ANTXR2: variants seen among roughly 807,000 people sequenced by gnomAD.
ANTXR2 encodes ANTXR cell adhesion molecule 2, also known as anthrax toxin receptor 2.
A neutral mutation model predicts 73.7 loss-of-function variants in ANTXR2; 44 were observed. The observed-to-expected ratio is 0.60, with a 90% CI of 0.47 to 0.77. ANTXR2 has a LOEUF of 0.77. Among genes scored for constraint, ANTXR2 ranks in the 30% least tolerant of loss-of-function variants. The pLI is 0.00. For missense variants in ANTXR2, 604 were observed against 592.5 expected, an observed-to-expected ratio of 1.02 and a Z score of -0.20; for synonymous variants, 217 against 205.9, an observed-to-expected ratio of 1.05 and a Z score of -0.46.
rs556347715 is a variant in ANTXR2, at chr4:79,927,442, A to G, written c.1429-19975T>C. Among the ~76,000 whole-genome samples, 75 of 152,284 alleles carry G rather than the reference A, an allele frequency of 4.9e-4. No individual in the cohort carries two copies. In the Middle Eastern group the frequency reaches 0.014, roughly 28 times the overall value. ...ATTGGTTCCAAGACCCACCTGGCAG[A>G]TATCAAAATCTGCAGATGCTCAAGT... On this transcript the variant is annotated intron_variant, in intron 16 of 16. Transcript: ENST00000403729.
chr4:79,914,470 T>G (rs2109933530), intron 16 of ANTXR2, among the ~76,000 whole-genome samples: 1 of 152,294 alleles, frequency 6.6e-6, no homozygotes, highest in Admixed American at 6.5e-5. Flanking sequence ...TAAAGGTTTC[T>G]TTCTTGATTC....
chr4:79,965,844 T>A (rs1447552918), intron 16 of ANTXR2, among the ~76,000 whole-genome samples: 1 of 152,180 alleles, frequency 6.6e-6, no homozygotes, highest in Non-Finnish European at 1.5e-5. Flanking sequence ...ATTCCTAATA[T>A]CAGATAATTT....
chr4:79,995,246 C>A (rs1730671584), intron 12 of ANTXR2, among the ~76,000 whole-genome samples: 1 of 151,790 alleles, frequency 6.6e-6, no homozygotes, highest in Admixed American at 6.6e-5. Context: ...TGTCATCATG[C>A]CTAATAAAGT....
chr4:79,984,828 T>C lies in ANTXR2; in HGVS notation c.1077A>G (p.Ala359=), dbSNP rs1730044545. 5 of 1,608,720 alleles carry C rather than the reference T, an allele frequency of 3.1e-6. No individual in the cohort carries two copies. Among genetic ancestry groups the C allele is most frequent in the Non-Finnish European group, 4.2e-6 (5 of 1,177,152 alleles). The part of the protein sequence containing the change: ...IKDPPPPPAP[A]PKEEEEEPLP... Reference sequence around the variant, plus strand: ...TTAGGCACTCACTTACCTCTTTTGGTGCAGGGGCGGGTGGTGGTGGAGGAT... The same window carrying C: ...TTAGGCACTCACTTACCTCTTTTGGCGCAGGGGCGGGTGGTGGTGGAGGAT... The change falls in exon 13 of 17, where the codon GCA becomes GCG. Residue 359 remains alanine, a synonymous_variant. Transcript: ENST00000403729.
intron 10 of ANTXR2, among the ~76,000 whole-genome samples, chr4:80,027,942 C>T (rs1360547851): frequency 6.6e-6 from 1 of 152,086 alleles, no homozygotes; most frequent in African/African-American, 2.4e-5. Context: ...GCATCCTATT[C>T]AAACTTAAAG....
At chr4:79,966,854 G>T (rs1328036697) in intron 16 of ANTXR2, among the ~76,000 whole-genome samples, 2 of 152,110 alleles carry the variant, frequency 1.3e-5, no homozygotes, top group Non-Finnish European at 2.9e-5. Flanking sequence ...GGCACAAGTT[G>T]CCTTTGTCAA....
At chr4:79,984,958 G>C (rs1730062134) in intron 12 of ANTXR2, 95 bp from the exon 13 acceptor site, 1 of 1,021,046 alleles carries the variant, frequency 9.8e-7, no homozygotes, top group Admixed American at 2.6e-5. Flanking sequence ...TACTGTGGTA[G>C]CTCCAAAGAA....
intron 12 of ANTXR2, among the ~76,000 whole-genome samples, chr4:80,004,720 T>A (rs544849639): frequency 2.6e-5 from 4 of 152,272 alleles, no homozygotes; most frequent in Non-Finnish European, 5.9e-5. Context: ...ATCACATCTG[T>A]AAAGTCCCTT....
At chr4:80,033,619 A>G in intron 8 of ANTXR2, 49 bp from the exon 9 acceptor site, 1 of 1,371,372 alleles carries the variant, frequency 7.3e-7, no homozygotes, top group Non-Finnish European at 1.0e-6. Context: ...TTACCAAAAA[A>G]ATAAAAAACA....
chr4:80,055,699 A>C (rs1463306827), intron 4 of ANTXR2, among the ~76,000 whole-genome samples: 1 of 151,962 alleles, frequency 6.6e-6, no homozygotes, highest in Non-Finnish European at 1.5e-5. Flanking sequence ...CTTAATCTTA[A>C]TATAACCACA....
intron 11 of ANTXR2, among the ~76,000 whole-genome samples, chr4:80,010,971 C>G (rs1456724577): frequency 6.6e-6 from 1 of 151,784 alleles, no homozygotes; most frequent in African/African-American, 2.4e-5. Context: ...CATGGTGAAA[C>G]CCCATCTCTA....
chr4:80,047,485 T>C (rs4566597), intron 7 of ANTXR2, among the ~76,000 whole-genome samples: 20,167 of 151,660 alleles, frequency 0.13, 2,661 homozygotes, highest in East Asian at 0.69. Flanking sequence ...CTATGAATAG[T>C]GCTCCTTTCT....
chr4:80,055,522 C>G, intron 4 of ANTXR2, 55 bp from the exon 5 acceptor site: 1 of 1,395,152 alleles, frequency 7.2e-7, no homozygotes, highest in Non-Finnish European at 1.0e-6. Flanking sequence ...TTTTAACCAG[C>G]ATGTTCCATC....
At chr4:80,052,318 T>C (rs1047795063) in intron 7 of ANTXR2, among the ~76,000 whole-genome samples, 2 of 151,664 alleles carry the variant, frequency 1.3e-5, no homozygotes. Flanking sequence ...AAAGTCCAAT[T>C]CAAATTTAAG....
At chr4:80,002,433 G>A (rs1207971450) in intron 12 of ANTXR2, among the ~76,000 whole-genome samples, 8 of 152,048 alleles carry the variant, frequency 5.3e-5, no homozygotes, top group Non-Finnish European at 1.0e-4. Context: ...AGACTTAAAC[G>A]TTAGACCTAA....
At chr4:79,973,665 G>C (rs1294214148) in intron 16 of ANTXR2, among the ~76,000 whole-genome samples, 2 of 152,200 alleles carry the variant, frequency 1.3e-5, no homozygotes, top group Non-Finnish European at 2.9e-5. Context: ...CTGGCCTCAA[G>C]TGACCCACCT....
At chr4:79,926,693 C>A (rs1349680480) in intron 16 of ANTXR2, among the ~76,000 whole-genome samples, 2 of 152,102 alleles carry the variant, frequency 1.3e-5, no homozygotes, top group Non-Finnish European at 2.9e-5. Context: ...AACTTATTAT[C>A]TAAGTCTTTT....
chr4:80,072,737 C>A lies in ANTXR2; in HGVS notation c.-177G>T. The A allele has an allele frequency of 1.5e-6, 2 of 1,330,658 alleles. No homozygotes were observed. Among genetic ancestry groups the A allele is most frequent in the Non-Finnish European group, 9.6e-7 (1 of 1,045,184 alleles). 82.4% of individuals were successfully genotyped at this position (1,330,658 alleles called of 1,614,324 possible). A position where few individuals can be genotyped will look rare whatever the true frequency, so the allele number is the denominator to read the frequency against. Reference sequence around the variant, plus strand: ...CTGACAGGGAGGGAGAGAGGGAGGTCCTGAGAGGACAAAGGGAGTCTCCGC... The same window carrying A: ...CTGACAGGGAGGGAGAGAGGGAGGTACTGAGAGGACAAAGGGAGTCTCCGC... On this transcript the variant is annotated 5_prime_UTR_variant, in exon 1 of 17. Transcript: ENST00000403729.
intron 12 of ANTXR2, among the ~76,000 whole-genome samples, chr4:80,003,705 G>A (rs892451631): frequency 2.0e-5 from 3 of 151,904 alleles, no homozygotes; most frequent in South Asian, 2.1e-4. Flanking sequence ...TTAAAACCAC[G>A]ATGAGATATC....
Sources: gnomAD v4.1 joint callset for allele counts (sites outside exome capture counted in the v4.1 genomes callset) on GRCh38, gnomAD v4.1.1 for gene constraint, MANE v1.5 for transcripts, NCBI Gene and HGNC (gene_info 2026-07-23, HGNC 2026-07-21) for gene names.